Variants in IL12RB2 observed in about 807,000 individuals in gnomAD.
The protein encoded by IL12RB2 is interleukin-12 receptor subunit beta-2.
A neutral mutation model predicts 89.4 loss-of-function variants in IL12RB2; 82 were observed. The observed-to-expected ratio is 0.92, with a 90% CI of 0.77 to 1.10. IL12RB2 has a LOEUF of 1.10. Ranked by LOEUF, IL12RB2 falls within the 50% of genes least tolerant of loss-of-function variation. The pLI is 0.00. For missense variants in IL12RB2, 963 were observed against 1,031.9 expected (o/e 0.93, Z 0.92); for synonymous variants, 368 against 370.1 (o/e 0.99, Z 0.07).
At chr1:67,325,807 A>ATG in intron 4 of IL12RB2, among the ~76,000 whole-genome samples, 1 of 152,222 alleles carries the variant, frequency 6.6e-6, no homozygotes, top group African/African-American at 2.4e-5. Context: ...ATCTAACCTA[A>ATG]AGGAAATATG....
intron 15 of IL12RB2, among the ~76,000 whole-genome samples, chr1:67,389,233 C>G (rs578181195): frequency 2.0e-3 from 305 of 152,038 alleles, no homozygotes; most frequent in African/African-American, 7.1e-3. Context: ...TGCATGATCT[C>G]TATGAGATCA....
chr1:67,391,698 G>A (rs1268503641), intron 16 of IL12RB2, among the ~76,000 whole-genome samples: 9 of 151,104 alleles, frequency 6.0e-5, no homozygotes, highest in East Asian at 1.9e-4. Flanking sequence ...GTGCAGTGGC[G>A]CAATCTCGGC....
In IL12RB2 at chr1:67,326,782, C is replaced by G. The variant is rs1440150111; in HGVS notation, c.412C>G (p.Gln138Glu). 1 of 1,613,946 alleles carries G rather than the reference C, an allele frequency of 6.2e-7. No homozygotes were observed. Among genetic ancestry groups the G allele is most frequent in the Non-Finnish European group, 8.5e-7 (1 of 1,179,904 alleles). ...QNLSCIQKGE[Q>E]GTVACTWERG... is the part of the protein sequence containing the mutation. Reference sequence around the variant, plus strand: ...TTTATCCTGCATACAGAAGGGAGAACAGGGGACTGTGGCCTGCACCTGGGA... The same window carrying G: ...TTTATCCTGCATACAGAAGGGAGAAGAGGGGACTGTGGCCTGCACCTGGGA... Residue 138 changes from glutamine to glutamate, a missense_variant, in exon 5 of 17, where the codon CAG becomes GAG. Physicochemically the swap from Gln to Glu is conservative, Grantham distance 29 (BLOSUM62 2). Transcript: ENST00000674203.
chr1:67,395,263 G>A (rs538198800), intron 16 of IL12RB2, among the ~76,000 whole-genome samples: 7 of 149,762 alleles, frequency 4.7e-5, no homozygotes, highest in African/African-American at 1.2e-4. Flanking sequence ...AGGCGACTTC[G>A]TCTCAAGAAA....
chr1:67,380,522 G>A (rs1288834872), intron 14 of IL12RB2, among the ~76,000 whole-genome samples: 2 of 152,148 alleles, frequency 1.3e-5, no homozygotes, highest in Non-Finnish European at 1.5e-5. Context: ...CAAATGATGA[G>A]AATCACATCA....
At chr1:67,331,269 C>G (rs1430693181) in intron 8 of IL12RB2, among the ~76,000 whole-genome samples, 1 of 152,094 alleles carries the variant, frequency 6.6e-6, no homozygotes, top group Middle Eastern at 3.2e-3. Flanking sequence ...AATTTAGCAT[C>G]CAGCAATCCT....
intron 1 of IL12RB2, among the ~76,000 whole-genome samples, chr1:67,312,627 C>A (rs1384109770): frequency 3.6e-5 from 4 of 110,134 alleles, no homozygotes; most frequent in Admixed American, 9.4e-5. Context: ...AACAACATTC[C>A]AGAAAAAATA....
At chr1:67,354,226 A>C (rs925212295) in intron 10 of IL12RB2, among the ~76,000 whole-genome samples, 2 of 152,166 alleles carry the variant, frequency 1.3e-5, no homozygotes, top group Admixed American at 6.5e-5. Context: ...CCAAGTATAG[A>C]GAGACAAAGT....
At chr1:67,362,758 T>C (rs1024825489) in intron 10 of IL12RB2, among the ~76,000 whole-genome samples, 1 of 152,044 alleles carries the variant, frequency 6.6e-6, no homozygotes, top group Non-Finnish European at 1.5e-5. Context: ...TGAAGAAATT[T>C]GTTGCCAGCA....
intron 16 of IL12RB2, among the ~76,000 whole-genome samples, chr1:67,394,533 T>G (rs1473785586): frequency 6.6e-6 from 1 of 152,102 alleles, no homozygotes; most frequent in Non-Finnish European, 1.5e-5. Context: ...ACAAACAAAA[T>G]TAGCTAAAGG....
intron 2 of IL12RB2, among the ~76,000 whole-genome samples, chr1:67,319,644 G>A (rs1656235002): frequency 6.6e-6 from 1 of 152,184 alleles, no homozygotes; most frequent in African/African-American, 2.4e-5. Context: ...AAAGTGTTGT[G>A]TGGGACTAAG....
intron 14 of IL12RB2, among the ~76,000 whole-genome samples, chr1:67,381,259 CA>C (rs1243308570): frequency 6.6e-6 from 1 of 152,168 alleles, no homozygotes; most frequent in African/African-American, 2.4e-5. Context: ...ATAAGTGACC[CA>C]GCTAGCATGG....
At chr1:67,323,679 T>C (rs1656888906) in intron 4 of IL12RB2, among the ~76,000 whole-genome samples, 1 of 152,120 alleles carries the variant, frequency 6.6e-6, no homozygotes, top group South Asian at 2.1e-4. Flanking sequence ...TAAACTATGC[T>C]CAAAATATTT....
upstream of IL12RB2, chr1:67,307,748 CCCCCG>C (rs1255190877): frequency 6.6e-6 from 1 of 152,206 alleles, no homozygotes; most frequent in Non-Finnish European, 1.5e-5. Context: ...CCAGCCCCGA[CCCCCG>C]CCCCGGCCCG....
At position 67,395,927 on chromosome 1, in the gene IL12RB2, C is replaced by T; in HGVS notation, c.2427C>T (p.Pro809=). 1 of 1,612,080 alleles carries T rather than the reference C, an allele frequency of 6.2e-7. No homozygotes were observed. The highest frequency in any genetic ancestry group is 2.2e-5 in the East Asian group (1 of 44,878). Reference sequence around the variant, plus strand: ...TACCCTCCAACATAGATGACCTCCCCTCACATGAGGCACCTCTCGCTGACT... The same window carrying T: ...TACCCTCCAACATAGATGACCTCCCTTCACATGAGGCACCTCTCGCTGACT... ...GYLPSNIDDL[P]SHEAPLADSL... is the part of the protein sequence containing the mutation. Residue 809 remains proline (P), a synonymous_variant, in exon 17 of 17, where the codon CCC becomes CCT. Transcript: ENST00000674203.
intron 8 of IL12RB2, among the ~76,000 whole-genome samples, chr1:67,337,142 T>A (rs945052153): frequency 1.3e-5 from 2 of 152,194 alleles, no homozygotes; most frequent in African/African-American, 4.8e-5. Context: ...GCCCTCTACA[T>A]GTGGGTACTT....
intron 16 of IL12RB2, among the ~76,000 whole-genome samples, chr1:67,393,184 C>G (rs1666009839): frequency 6.6e-6 from 1 of 152,132 alleles, no homozygotes. Context: ...TTTGAGCTAT[C>G]AGGCCTTCCC....
chr1:67,372,681 AT>A lies in IL12RB2; in HGVS notation c.1618del (p.Ser540HisfsTer46), dbSNP rs1382379127. The A allele has an allele frequency of 1.2e-6, 2 of 1,612,106 alleles. No homozygotes were observed. Among genetic ancestry groups the A allele is most frequent in the African/African-American group, 2.7e-5 (2 of 74,866 alleles). ...AITEEKGSILISWNSIPVQEQ... is the reference protein window; with the variant it reads ...AITEEKGSILXSWNSIPVQEQ... ...CACAGAGGAAAAGGGGAGCATTTTA[AT>A]TTCATGGAACAGCATTCCAGTCCAG... On this transcript the variant is annotated frameshift_variant, in exon 13 of 17. Transcript: ENST00000674203. LOFTEE classifies it high-confidence loss of function.
chr1:67,337,750 C>T (rs1202590680), intron 8 of IL12RB2, among the ~76,000 whole-genome samples: 1 of 152,102 alleles, frequency 6.6e-6, no homozygotes, highest in Non-Finnish European at 1.5e-5. Flanking sequence ...CTAATGATCA[C>T]ACACCAAATA....
Sources: gnomAD v4.1 joint callset for allele counts (sites outside exome capture counted in the v4.1 genomes callset) on GRCh38, gnomAD v4.1.1 for gene constraint, MANE v1.5 for transcripts, NCBI Gene and HGNC (gene_info 2026-07-23, HGNC 2026-07-21) for gene names.